Variants in TLCD4 observed in about 807,000 individuals in gnomAD.
TLCD4 encodes TLC domain-containing protein 4.
Under a neutral mutation model 24.2 loss-of-function variants are expected in TLCD4, and 7 were observed. That is an observed-to-expected ratio of 0.29 (90% CI 0.16 to 0.54). TLCD4 has a LOEUF of 0.54. TLCD4 is among the 20% of genes least tolerant of loss of function. TLCD4 has a pLI of 0.95. For missense variants in TLCD4, 259 were observed against 313.9 expected (o/e 0.82, Z 1.32); for synonymous variants, 103 against 106.4 (o/e 0.97, Z 0.20).
upstream of TLCD4, among the ~76,000 whole-genome samples, chr1:95,116,613 T>G (rs1028019725): frequency 6.6e-6 from 1 of 152,250 alleles, no homozygotes; most frequent in Non-Finnish European, 1.5e-5. Context: ...TTCAGACAAT[T>G]ATCTCTGGTT....
intron 1 of TLCD4, among the ~76,000 whole-genome samples, chr1:95,130,866 A>G (rs1676871205): frequency 6.6e-6 from 1 of 152,180 alleles, no homozygotes; most frequent in South Asian, 2.1e-4. Context: ...TTATAATGGT[A>G]CTTTTTGCTG....
At chr1:95,188,893 T>G (rs1678926443) in intron 6 of TLCD4, among the ~76,000 whole-genome samples, 2 of 152,208 alleles carry the variant, frequency 1.3e-5, no homozygotes. Context: ...ATGCCATGTA[T>G]GCTCATTGTT....
intron 5 of TLCD4, among the ~76,000 whole-genome samples, chr1:95,162,130 G>T: frequency 6.6e-6 from 1 of 152,126 alleles, no homozygotes; most frequent in South Asian, 2.1e-4. Context: ...TATTGTGTGG[G>T]AGTCTAAGTC....
chr1:95,183,850 A>AAAAAAC (rs1159642128), intron 6 of TLCD4, among the ~76,000 whole-genome samples: 1 of 151,934 alleles, frequency 6.6e-6, no homozygotes. Flanking sequence ...ACAACAACAT[A>AAAAAAC]AAAAACAAAA....
intron 5 of TLCD4, among the ~76,000 whole-genome samples, chr1:95,167,133 C>G (rs1192659141): frequency 6.6e-6 from 1 of 151,920 alleles, no homozygotes; most frequent in African/African-American, 2.4e-5. Context: ...ATTTTATTCT[C>G]ATGTCAGTCT....
rs145001429 is a variant in TLCD4, at chr1:95,173,742, G to T, written c.400-74G>T. The T allele has an allele frequency of 2.5e-6, 4 of 1,590,506 alleles. No homozygotes were observed. In the East Asian group the frequency reaches 6.7e-5, roughly 27 times the overall value. Reference sequence around the variant, plus strand: ...TGTTATATTATGCTGAGAAGCTATTGGATATTTCTACGGTATTTGGGAATT... The same window carrying T: ...TGTTATATTATGCTGAGAAGCTATTTGATATTTCTACGGTATTTGGGAATT... On this transcript the variant is annotated intron_variant, in intron 5 of 6. Coordinates refer to ENST00000370203, the MANE Select transcript of TLCD4 (RefSeq NM_152487.3).
chr1:95,102,034 G>A, the TLCD4 span, among the ~76,000 whole-genome samples: 3 of 152,160 alleles, frequency 2.0e-5, no homozygotes, highest in Admixed American at 2.0e-4. Flanking sequence ...GTAAGAGAAC[G>A]ATTTTGATTT....
chr1:95,143,460 T>G (rs11584566), intron 1 of TLCD4, among the ~76,000 whole-genome samples: 47,718 of 151,802 alleles, frequency 0.31, 9,458 homozygotes, highest in Middle Eastern at 0.43. Flanking sequence ...TTCTATGGTT[T>G]TTGGCTTGAT....
chr1:95,155,260 T>A (rs192472260), intron 5 of TLCD4, among the ~76,000 whole-genome samples: 44 of 152,210 alleles, frequency 2.9e-4, no homozygotes, highest in African/African-American at 8.2e-4. Flanking sequence ...AATTTTCTTT[T>A]AAGCTGCGGA....
chr1:95,158,132 A>C (rs1056637741), intron 5 of TLCD4, among the ~76,000 whole-genome samples: 3 of 151,858 alleles, frequency 2.0e-5, no homozygotes, highest in African/African-American at 7.3e-5. Flanking sequence ...GTTCCTTTTA[A>C]AACTTTAAGT....
upstream of TLCD4, among the ~76,000 whole-genome samples, chr1:95,113,825 A>C (rs1439902281): frequency 6.6e-6 from 1 of 152,036 alleles, no homozygotes; most frequent in Admixed American, 6.6e-5. Context: ...CTAAATGGGG[A>C]GGATTGTTTC....
intron 6 of TLCD4, among the ~76,000 whole-genome samples, chr1:95,186,768 T>G (rs1678843901): frequency 6.6e-6 from 1 of 152,226 alleles, no homozygotes; most frequent in Admixed American, 6.5e-5. Flanking sequence ...TTCATTAATT[T>G]AGCCATTGCT....
intron 5 of TLCD4, among the ~76,000 whole-genome samples, chr1:95,165,349 A>G (rs1677978296): frequency 6.6e-6 from 1 of 152,196 alleles, no homozygotes; most frequent in Non-Finnish European, 1.5e-5. Flanking sequence ...TTTCAGTGTC[A>G]TAGGTAACTT....
At chr1:95,101,160 G>C in the TLCD4 span, among the ~76,000 whole-genome samples, 5 of 152,122 alleles carry the variant, frequency 3.3e-5, no homozygotes, top group African/African-American at 1.2e-4. Context: ...ACCCGCCTCA[G>C]CCTCCCAAAG....
At chr1:95,124,861 C>T (rs1276623975) in intron 1 of TLCD4, among the ~76,000 whole-genome samples, 1 of 150,498 alleles carries the variant, frequency 6.6e-6, no homozygotes, top group East Asian at 1.9e-4. Flanking sequence ...AAAAAAAAAA[C>T]AAAACAACAA....
At chr1:95,130,437 C>T (rs1676860443) in intron 1 of TLCD4, among the ~76,000 whole-genome samples, 1 of 152,212 alleles carries the variant, frequency 6.6e-6, no homozygotes, top group South Asian at 2.1e-4. Flanking sequence ...CAGGCATGAG[C>T]CACAGTGCCC....
chr1:95,134,373 T>C (rs1275412574), intron 1 of TLCD4, among the ~76,000 whole-genome samples: 2 of 152,010 alleles, frequency 1.3e-5, no homozygotes, highest in African/African-American at 2.4e-5. Context: ...GATATGGGTG[T>C]TTGCAGTGGG....
At chr1:95,153,054 A>ATAT (rs1351692304) in intron 5 of TLCD4, among the ~76,000 whole-genome samples, 1 of 151,622 alleles carries the variant, frequency 6.6e-6, no homozygotes, top group Admixed American at 6.6e-5. Flanking sequence ...CAAGCCCACC[A>ATAT]TATTATTATT....
At chr1:95,159,941 A>C (rs947302839) in intron 5 of TLCD4, among the ~76,000 whole-genome samples, 1 of 152,206 alleles carries the variant, frequency 6.6e-6, no homozygotes, top group Non-Finnish European at 1.5e-5. Flanking sequence ...AGGTAGCATG[A>C]TGCCTCCAGC....
Sources: allele counts gnomAD v4.1 joint callset (sites outside exome capture counted in the v4.1 genomes callset), GRCh38; gene constraint gnomAD v4.1.1; transcripts MANE v1.5; gene names NCBI Gene and HGNC (gene_info 2026-07-23, HGNC 2026-07-21).